PDK1: variants seen among roughly 807,000 people sequenced by gnomAD.
The protein encoded by PDK1 is pyruvate dehydrogenase kinase 1, also known as [Pyruvate dehydrogenase (acetyl-transferring)] kinase isozyme 1, mitochondrial.
Under a neutral mutation model 54.2 loss-of-function variants are expected in PDK1, and 39 were observed. That is an observed-to-expected ratio of 0.72 (90% CI 0.56 to 0.94). The LOEUF is 0.94. Among genes scored for constraint, PDK1 ranks in the 40% least tolerant of loss-of-function variants. The probability of loss-of-function intolerance (pLI) is 0.00; values close to 1 mark genes in which losing one functional copy is unlikely to be tolerated. For missense variants in PDK1, 552 were observed against 566.0 expected, an observed-to-expected ratio of 0.98 and a Z score of 0.25; for synonymous variants, 221 against 207.1, an observed-to-expected ratio of 1.07 and a Z score of -0.58.
chr2:172,700,786 G>A, the PDK1 span, among the ~76,000 whole-genome samples: 210 of 152,316 alleles, frequency 1.4e-3, 1 homozygote, highest in African/African-American at 4.6e-3. Flanking sequence ...CAGATCACTC[G>A]CGGTCAGGAG....
chr2:172,593,708 CA>C (rs1336518897), intron 10 of PDK1, among the ~76,000 whole-genome samples: 2 of 152,078 alleles, frequency 1.3e-5, no homozygotes, highest in Non-Finnish European at 2.9e-5. Context: ...TCTTGGTAAG[CA>C]TATAGCTTAC....
chr2:172,701,016 G>GGGAGGAGA, the PDK1 span, among the ~76,000 whole-genome samples: 2 of 151,858 alleles, frequency 1.3e-5, no homozygotes, highest in East Asian at 1.9e-4. Flanking sequence ...GAGAGGGAGA[G>GGGAGGAGA]GGAGGAGAGG....
the PDK1 span, among the ~76,000 whole-genome samples, chr2:172,632,780 G>C: frequency 6.6e-6 from 1 of 151,812 alleles, no homozygotes; most frequent in Non-Finnish European, 1.5e-5. Flanking sequence ...AGGAGATCAA[G>C]ACCATCCTGG....
the PDK1 span, among the ~76,000 whole-genome samples, chr2:172,639,070 C>T: frequency 6.6e-6 from 1 of 152,140 alleles, no homozygotes; most frequent in Non-Finnish European, 1.5e-5. Context: ...CTCACTATGC[C>T]GTGCAGACTG....
At chr2:172,562,178 G>T (rs902225684) in intron 2 of PDK1, 42 bp from the exon 3 acceptor site, 1 of 1,074,132 alleles carries the variant, frequency 9.3e-7, no homozygotes, top group Non-Finnish European at 1.4e-6. Context: ...TGAACTTTCA[G>T]AATATAAAAG....
At chr2:172,594,183 G>T (rs1000950924) in intron 10 of PDK1, among the ~76,000 whole-genome samples, 7 of 151,746 alleles carry the variant, frequency 4.6e-5, no homozygotes, top group African/African-American at 1.7e-4. Context: ...GATTACAGGC[G>T]CCTGACTAAT....
the PDK1 span, among the ~76,000 whole-genome samples, chr2:172,626,890 A>T: frequency 6.6e-6 from 1 of 152,264 alleles, no homozygotes; most frequent in Admixed American, 6.5e-5. Flanking sequence ...TAGAAGGCAC[A>T]GTAAAATACA....
downstream of PDK1, among the ~76,000 whole-genome samples, chr2:172,612,387 C>T (rs10427315): frequency 0.18 from 27,066 of 152,092 alleles, 2,895 homozygotes; most frequent in African/African-American, 0.28. Flanking sequence ...ACATTTCCTG[C>T]ATATAATACT....
chr2:172,589,047 T>C (rs1325762804), intron 9 of PDK1, among the ~76,000 whole-genome samples: 6 of 152,306 alleles, frequency 3.9e-5, no homozygotes, highest in Middle Eastern at 3.4e-3. Flanking sequence ...ATGGGGTAGA[T>C]CCACCAGTGG....
chr2:172,711,539 G>A, the PDK1 span, among the ~76,000 whole-genome samples: 1 of 152,270 alleles, frequency 6.6e-6, no homozygotes, highest in African/African-American at 2.4e-5. Flanking sequence ...CAGGCAAATT[G>A]TGCATCTATA....
the PDK1 span, among the ~76,000 whole-genome samples, chr2:172,687,842 G>A: frequency 6.6e-6 from 1 of 152,180 alleles, no homozygotes; most frequent in Admixed American, 6.5e-5. Context: ...GCCCCGACAA[G>A]ATGGGGACTC....
chr2:172,635,798 A>C, the PDK1 span, among the ~76,000 whole-genome samples: 1 of 152,180 alleles, frequency 6.6e-6, no homozygotes, highest in Admixed American at 6.5e-5. Flanking sequence ...ACACCAACCC[A>C]GTATTTCCTC....
rs552859901 is a variant in PDK1, at chr2:172,605,239, T to C, written c.*9270T>C. ...AGAACCAAATACCATAATGCCTCCTTCTATTCCACTATGAACAGTCAAGGA... is the reference window on the plus strand; with the variant it reads ...AGAACCAAATACCATAATGCCTCCTCCTATTCCACTATGAACAGTCAAGGA... On this transcript the variant is annotated 3_prime_UTR_variant, in exon 11 of 11. Coordinates refer to ENST00000282077, the MANE Select transcript of PDK1 (RefSeq NM_002610.5). 9.9e-5 allele frequency: 15 copies of C among 152,264 alleles called. No homozygotes were observed. Among genetic ancestry groups the C allele is most frequent in the African/African-American group, 3.4e-4 (14 of 41,554 alleles). The allele number at this position is 152,264 out of a possible 1,614,324, so 9.4% of individuals were successfully genotyped here. A position where few individuals can be genotyped will look rare whatever the true frequency, so the allele number is the denominator to read the frequency against.
chr2:172,663,477 G>C, the PDK1 span, among the ~76,000 whole-genome samples: 1 of 152,050 alleles, frequency 6.6e-6, no homozygotes, highest in Non-Finnish European at 1.5e-5. Flanking sequence ...CCAAAGTAAT[G>C]AATTTTCTTG....
intron 3 of PDK1, chr2:172,562,743 G>A (rs778624653): frequency 1.7e-5 from 26 of 1,533,862 alleles, no homozygotes; most frequent in Non-Finnish European, 2.3e-5. Context: ...AAACACAGAA[G>A]GCCTAGAAGA....
At chr2:172,658,636 C>A in the PDK1 span, among the ~76,000 whole-genome samples, 71 of 152,238 alleles carry the variant, frequency 4.7e-4, no homozygotes, top group African/African-American at 1.6e-3. Context: ...TCACTAAATT[C>A]TTTTCCTAGC....
intron 1 of PDK1, 35 bp from the exon 2 acceptor site, chr2:172,558,673 T>C (rs1688489352): frequency 6.4e-7 from 1 of 1,552,912 alleles, no homozygotes; most frequent in Non-Finnish European, 8.7e-7. Context: ...CTTATGGCTT[T>C]TACTTACTGC....
the PDK1 span, among the ~76,000 whole-genome samples, chr2:172,699,194 C>T: frequency 3.0e-3 from 457 of 152,224 alleles, 3 homozygotes; most frequent in African/African-American, 0.01. Context: ...AATTTAATTA[C>T]GCTATTTTTT....
chr2:172,624,444 G>A, the PDK1 span, among the ~76,000 whole-genome samples: 1 of 152,122 alleles, frequency 6.6e-6, no homozygotes, highest in Admixed American at 6.5e-5. Context: ...GCGCATATGA[G>A]GGATCTAGGT....
Sources: gnomAD v4.1 joint callset for allele counts (sites outside exome capture counted in the v4.1 genomes callset) on GRCh38, gnomAD v4.1.1 for gene constraint, MANE v1.5 for transcripts, NCBI Gene and HGNC (gene_info 2026-07-23, HGNC 2026-07-21) for gene names.